Variants in ERBIN observed in about 807,000 individuals in gnomAD.
The protein encoded by ERBIN is erbb2 interacting protein.
In ERBIN, 60 loss-of-function variants were observed where a neutral mutation model predicts 158.4. The observed-to-expected ratio is 0.38, with a 90% CI of 0.31 to 0.47. The LOEUF (loss-of-function observed/expected upper bound fraction) is 0.47, where lower values mean the gene tolerates loss of function less well. Ranked by LOEUF, ERBIN falls within the 20% of genes least tolerant of loss-of-function variation. The pLI, the probability that ERBIN is intolerant of heterozygous loss-of-function variation, is 0.99. For missense variants in ERBIN, 1,610 were observed against 1,648.0 expected (o/e 0.98, Z 0.40); for synonymous variants, 594 against 557.2 (o/e 1.07, Z -0.93).
chr5:66,062,504 G>A (rs982643716), intron 21 of ERBIN, among the ~76,000 whole-genome samples: 3 of 151,754 alleles, frequency 2.0e-5, no homozygotes, highest in South Asian at 2.1e-4. Context: ...CCTTTAGCTC[G>A]GAGTAGTTTG....
chr5:66,063,716 T>G (rs946328089), intron 21 of ERBIN, among the ~76,000 whole-genome samples: 1 of 152,204 alleles, frequency 6.6e-6, no homozygotes, highest in Non-Finnish European at 1.5e-5. Flanking sequence ...TTTTAAAAAG[T>G]GAAGATAGTC....
At chr5:66,005,454 G>T (rs1753482596) in intron 4 of ERBIN, among the ~76,000 whole-genome samples, 1 of 152,072 alleles carries the variant, frequency 6.6e-6, no homozygotes, top group Non-Finnish European at 1.5e-5. Flanking sequence ...TAAATATTTG[G>T]GAGTTGTCAC....
intron 4 of ERBIN, among the ~76,000 whole-genome samples, chr5:65,997,737 C>T (rs563651254): frequency 6.6e-6 from 1 of 152,300 alleles, no homozygotes; most frequent in East Asian, 1.9e-4. Context: ...ATGTAGTAAT[C>T]ATATTCCACA....
chr5:66,068,889 A>C, intron 21 of ERBIN: 2 of 1,534,976 alleles, frequency 1.3e-6, no homozygotes, highest in Non-Finnish European at 1.7e-6. Context: ...CATGCTGTCA[A>C]GGTCCTTTAA....
chr5:65,985,655 A>G (rs1233327648), intron 1 of ERBIN, among the ~76,000 whole-genome samples: 1 of 152,098 alleles, frequency 6.6e-6, no homozygotes, highest in Non-Finnish European at 1.5e-5. Context: ...TTTCTCTACT[A>G]GATTGTTTCT....
chr5:65,977,882 A>G (rs1424670242), intron 1 of ERBIN, among the ~76,000 whole-genome samples: 1 of 151,730 alleles, frequency 6.6e-6, no homozygotes, highest in Non-Finnish European at 1.5e-5. Flanking sequence ...GCACTGAGTG[A>G]ACGAGACTCC....
chr5:66,018,440 TA>T lies in ERBIN; in HGVS notation c.534-2880del, dbSNP rs1755033910. On this transcript the variant is annotated intron_variant, in intron 7 of 25. Transcript: ENST00000284037. ...ATACCTAAGAATAAATTGATATATA[TA>T]ATATAATATATATTATATTATATAA... is the stretch of plus-strand genomic sequence containing the variant. Among the ~76,000 whole-genome samples, 4 of 68,762 alleles carry T rather than the reference TA, an allele frequency of 5.8e-5. 1 individual carries two copies. The highest frequency in any genetic ancestry group is 1.2e-4 in the African/African-American group (2 of 16,874). The allele number at this position is 68,762 out of a possible 152,430, so 45.1% of individuals were successfully genotyped here. A position where few individuals can be genotyped will look rare whatever the true frequency, so the allele number is the denominator to read the frequency against.
intron 1 of ERBIN, among the ~76,000 whole-genome samples, chr5:65,976,334 T>C (rs1339739515): frequency 6.6e-6 from 1 of 151,972 alleles, no homozygotes; most frequent in Non-Finnish European, 1.5e-5. Context: ...ATTAACTATA[T>C]GTAGTGGCAT....
At chr5:66,010,176 C>T (rs770112879) in intron 4 of ERBIN, among the ~76,000 whole-genome samples, 4 of 151,958 alleles carry the variant, frequency 2.6e-5, no homozygotes, top group Non-Finnish European at 5.9e-5. Context: ...CTTCCTTTGT[C>T]GTTTTTTGAC....
chr5:65,989,471 C>T (rs567858169), intron 2 of ERBIN, among the ~76,000 whole-genome samples: 42 of 152,272 alleles, frequency 2.8e-4, no homozygotes, highest in African/African-American at 9.6e-4. Context: ...TTTGAGATTT[C>T]AACTCTATTT....
At chr5:66,021,468 A>T (rs1755678346) in intron 8 of ERBIN, 83 bp downstream of exon 8, 1 of 1,024,710 alleles carries the variant, frequency 9.8e-7, no homozygotes, top group African/African-American at 1.7e-5. Flanking sequence ...TTTCTCTTAC[A>T]AATTGGATAA....
At chr5:66,036,005 C>A (rs143715352) in intron 14 of ERBIN, among the ~76,000 whole-genome samples, 12 of 152,056 alleles carry the variant, frequency 7.9e-5, no homozygotes, top group Non-Finnish European at 1.6e-4. Flanking sequence ...GGGAGGATTG[C>A]TTGAGCCCAG....
intron 11 of ERBIN, 78 bp downstream of exon 11, chr5:66,025,630 G>A: frequency 8.6e-7 from 1 of 1,164,822 alleles, no homozygotes; most frequent in Non-Finnish European, 1.3e-6. Context: ...TCAGGTATTT[G>A]CATAAATGAC....
At chr5:65,977,589 C>T (rs1220189739) in intron 1 of ERBIN, among the ~76,000 whole-genome samples, 1 of 151,404 alleles carries the variant, frequency 6.6e-6, no homozygotes, top group Non-Finnish European at 1.5e-5. Context: ...CCTCACTTCC[C>T]AGATGTGATG....
chr5:65,984,431 T>C (rs1011721559), intron 1 of ERBIN, among the ~76,000 whole-genome samples: 1 of 152,210 alleles, frequency 6.6e-6, no homozygotes, highest in Non-Finnish European at 1.5e-5. Flanking sequence ...CTGCCCCTCA[T>C]GCTGACCTTC....
At chr5:66,020,159 A>G (rs1755537494) in intron 7 of ERBIN, among the ~76,000 whole-genome samples, 1 of 152,012 alleles carries the variant, frequency 6.6e-6, no homozygotes, top group South Asian at 2.1e-4. Flanking sequence ...GCATTATGAG[A>G]TGAATTGAAG....
intron 21 of ERBIN, among the ~76,000 whole-genome samples, chr5:66,061,959 C>T (rs1760431650): frequency 6.6e-6 from 1 of 152,236 alleles, no homozygotes; most frequent in African/African-American, 2.4e-5. Flanking sequence ...CAACCTTTCT[C>T]TCTGGCTGCC....
At chr5:65,996,489 C>T (rs1034890589) in intron 4 of ERBIN, among the ~76,000 whole-genome samples, 2 of 151,982 alleles carry the variant, frequency 1.3e-5, no homozygotes, top group Non-Finnish European at 2.9e-5. Context: ...TATTCTGTTC[C>T]ATTGGTCTGT....
At chr5:65,944,877 G>A (rs529520846) in intron 1 of ERBIN, among the ~76,000 whole-genome samples, 13 of 152,084 alleles carry the variant, frequency 8.5e-5, no homozygotes. Context: ...ATCCCAGTCT[G>A]TTACTAGATA....
Sources: allele counts gnomAD v4.1 joint callset (sites outside exome capture counted in the v4.1 genomes callset), GRCh38; gene constraint gnomAD v4.1.1; transcripts MANE v1.5; gene names NCBI Gene and HGNC (gene_info 2026-07-23, HGNC 2026-07-21).